The following P2RX1 variants were observed in gnomAD, a reference collection of about 807,000 sequenced individuals.
P2RX1 encodes the protein P2X purinoceptor 1.
P2RX1 carries 42 observed loss-of-function variants against 50.3 expected under a neutral mutation model. The ratio of observed to expected loss-of-function variants is 0.83; its 90% CI spans 0.65 to 1.08. The LOEUF is 1.08. P2RX1 is among the 50% of genes least tolerant of loss of function. The probability of loss-of-function intolerance (pLI) is 0.00; values close to 1 mark genes in which losing one functional copy is unlikely to be tolerated. For missense variants in P2RX1, 449 were observed against 529.0 expected, an observed-to-expected ratio of 0.85 and a Z score of 1.48; for synonymous variants, 199 against 202.6, an observed-to-expected ratio of 0.98 and a Z score of 0.15.
chr17:3,903,594 A>C lies in P2RX1; in HGVS notation c.562T>G (p.Phe188Val), dbSNP rs1597515364. Residue 188 changes from phenylalanine to valine, a missense_variant, in exon 6 of 12, where the codon TTC becomes GTC. Coordinates refer to ENST00000225538, the MANE Select transcript of P2RX1 (RefSeq NM_002558.4). This position sits in a 1 kb window ranked among gnomAD's most constrained non-coding sequence, Gnocchi z 4.6. ...GGAAAGCTGATGCTGTTCTTGATGA[A>C]AAGAGTGAAGTTCTCGGCCTCTCGG... ...LLREAENFTL[F>V]IKNSISFPRF... The C allele has an allele frequency of 6.2e-7, 1 of 1,614,176 alleles. No individual in the cohort carries two copies. The highest frequency in any genetic ancestry group is 2.2e-5 in the East Asian group (1 of 44,866).
Position 3,899,024 on chromosome 17 carries a change from C to G in P2RX1, c.876G>C (p.Arg292Ser). 6.2e-7 allele frequency: 1 copy of G among 1,611,648 alleles called. No individual in the cohort carries two copies. The highest frequency in any genetic ancestry group is 8.5e-7 in the Non-Finnish European group (1 of 1,178,698). Reference protein sequence around the residue: ...EKNLSPGFNFRFARHFVENGT... With the variant: ...EKNLSPGFNFSFARHFVENGT... ...CGTTCTCCACAAAGTGCCTGGCAAA[C>G]CTTGGGGAAGGGATGAGGTGGCAGG... Residue 292 changes from arginine (R) to serine (S), a missense_variant and splice_region_variant, in exon 9 of 12, where the codon AGG becomes AGC. By Grantham distance (110) the Arg-to-Ser change is moderately radical (BLOSUM62 -1). Transcript: ENST00000225538.
intron 1 of P2RX1, among the ~76,000 whole-genome samples, chr17:3,908,644 A>C (rs953514110): frequency 2.0e-5 from 3 of 152,218 alleles, no homozygotes; most frequent in African/African-American, 7.2e-5. Context: ...CCTTATTGTC[A>C]CCACCCTGGG....
rs553670845 is a variant in P2RX1, at chr17:3,903,247, G to A, written c.702C>T (p.Tyr234=). 159 of 1,614,144 alleles carry A rather than the reference G, an allele frequency of 9.9e-5. 2 individuals are homozygous for A. The South Asian group carries it at 1.2e-3, about 12-fold the overall frequency. Residue 234 remains tyrosine, a synonymous_variant, in exon 7 of 12, where the codon TAC becomes TAT. Transcript: ENST00000225538. This position sits in a 1 kb window ranked among gnomAD's most constrained non-coding sequence, Gnocchi z 4.6. ...AGTTCTGGCCTGACTCTTGCACCACGTAGCCAAGCTGGAAGACTGGGCACA... is the reference window on the plus strand; with the variant it reads ...AGTTCTGGCCTGACTCTTGCACCACATAGCCAAGCTGGAAGACTGGGCACA... ...HPLCPVFQLG[Y]VVQESGQNFS...
intron 1 of P2RX1, among the ~76,000 whole-genome samples, chr17:3,911,386 T>C (rs1251537141): frequency 1.3e-5 from 2 of 152,146 alleles, no homozygotes; most frequent in Non-Finnish European, 2.9e-5. Context: ...TTCCCACTTC[T>C]CTTGAGACGT....
In P2RX1 at chr17:3,904,381, A is replaced by G. The variant is rs1203061127; in HGVS notation, c.376T>C (p.Cys126Arg). The G allele has an allele frequency of 1.2e-6, 2 of 1,613,936 alleles. No individual in the cohort carries two copies. The highest frequency in any genetic ancestry group is 4.5e-5 in the East Asian group (2 of 44,860). ...GGGGTACAGCCACTGTCTTCCTTGC[A>G]TATGCCCCCTTCTGGGTGCTGGGGG... ...YCAEHPEGGI[C>R]KEDSGCTPGK... The change falls in exon 4 of 12, where the codon TGC becomes CGC. Residue 126 changes from cysteine to arginine, a missense_variant. Physicochemically the swap from Cys to Arg is radical, Grantham distance 180. Transcript: ENST00000225538.
chr17:3,907,290 C>CTGTGT (rs3222958), intron 1 of P2RX1, among the ~76,000 whole-genome samples: 1 of 134,432 alleles, frequency 7.4e-6, no homozygotes, highest in East Asian at 2.2e-4. Flanking sequence ...TTCAGGGTAA[C>CTGTGT]GTGTGTGTGT....
At chr17:3,911,672 G>C (rs915836505) in intron 1 of P2RX1, among the ~76,000 whole-genome samples, 1 of 152,202 alleles carries the variant, frequency 6.6e-6, no homozygotes, top group Non-Finnish European at 1.5e-5. Flanking sequence ...AGAAATCCGG[G>C]CGCCTCAGCC....
chr17:3,900,999 A>G (rs2143971939), intron 7 of P2RX1, among the ~76,000 whole-genome samples: 1 of 152,314 alleles, frequency 6.6e-6, no homozygotes, highest in South Asian at 2.1e-4. Flanking sequence ...AGAGAAGGGG[A>G]CAGGGAGCTG....
chr17:3,915,524 G>A (rs1037544762), intron 1 of P2RX1: 22 of 456,514 alleles, frequency 4.8e-5, no homozygotes, highest in Non-Finnish European at 8.4e-5. Flanking sequence ...TATCATCCCT[G>A]GGACCAGAAC....
In P2RX1 at chr17:3,903,880, T is replaced by C; in HGVS notation, c.524+48A>G. 1 of 1,480,118 alleles carries C rather than the reference T, an allele frequency of 6.8e-7. No homozygotes were observed. Among genetic ancestry groups the C allele is most frequent in the African/African-American group, 1.4e-5 (1 of 72,412 alleles). 91.7% of individuals were successfully genotyped at this position (1,480,118 alleles called of 1,614,324 possible). A position where few individuals can be genotyped will look rare whatever the true frequency, so the allele number is the denominator to read the frequency against. On this transcript the variant is annotated intron_variant, in intron 5 of 11. Transcript: ENST00000225538. This position sits in a 1 kb window ranked among gnomAD's most constrained non-coding sequence, Gnocchi z 4.6. ...CTTTCTAGACCTAGGCCCCCCTCTG[T>C]CTGGCCTGGGACCCTGTTCTTAGCT...
At chr17:3,911,199 G>C (rs2056356742) in intron 1 of P2RX1, among the ~76,000 whole-genome samples, 1 of 151,614 alleles carries the variant, frequency 6.6e-6, no homozygotes, top group African/African-American at 2.4e-5. Flanking sequence ...TGTTGGCCAG[G>C]CTGGTCTTGG....
chr17:3,898,655 T>C, intron 9 of P2RX1, 106 bp from the exon 10 acceptor site: 1 of 884,318 alleles, frequency 1.1e-6, no homozygotes, highest in Non-Finnish European at 1.9e-6. Flanking sequence ...CTGTGAACTG[T>C]CCCCACCTCG....
intron 8 of P2RX1, 23 bp from the exon 9 acceptor site, chr17:3,899,047 A>G: frequency 6.4e-7 from 1 of 1,568,078 alleles, no homozygotes; most frequent in Non-Finnish European, 8.8e-7. Context: ...ATGAGGTGGC[A>G]GGAGGGTGAT....
rs574136342 is a variant in P2RX1, at chr17:3,916,249, C to G, written c.-24G>C. The G allele has an allele frequency of 6.2e-7, 1 of 1,610,874 alleles. No homozygotes were observed. The highest frequency in any genetic ancestry group is 1.7e-5 in the Admixed American group (1 of 59,892). ...ATGGTGGGCCGGCTGGGGCTCAGAACTGAGCCCCCTGCACGGCCTCTGCTC... is the reference window on the plus strand; with the variant it reads ...ATGGTGGGCCGGCTGGGGCTCAGAAGTGAGCCCCCTGCACGGCCTCTGCTC... On this transcript the variant is annotated 5_prime_UTR_variant, in exon 1 of 12. Transcript: ENST00000225538.
chr17:3,904,649 A>G, intron 3 of P2RX1: 1 of 627,790 alleles, frequency 1.6e-6, no homozygotes, highest in South Asian at 1.9e-5. Flanking sequence ...AAGTCTCGGC[A>G]CCCTGCCTGG....
intron 1 of P2RX1, among the ~76,000 whole-genome samples, chr17:3,911,868 T>C (rs1032208451): frequency 1.3e-5 from 2 of 152,090 alleles, no homozygotes; most frequent in African/African-American, 4.8e-5. Flanking sequence ...ACCAGGCTCC[T>C]CCAATCAGGG....
rs1309177649 is a variant in P2RX1 at position 3,903,571 on chromosome 17, A to T, written c.585T>A (p.Phe195Leu). The change falls in exon 6 of 12, where the codon TTT becomes TTA. Residue 195 changes from phenylalanine to leucine, a missense_variant. Phe to Leu is a conservative substitution (Grantham distance 22). Transcript: ENST00000225538. The surrounding 1 kb of genome is among the most constrained non-coding windows in gnomAD (Gnocchi z 4.6). ...FTLFIKNSIS[F>L]PRFKVNRRNL... ...CGCACCTGTTGACCTTGAAGCGTGG[A>T]AAGCTGATGCTGTTCTTGATGAAAA... The T allele has an allele frequency of 6.2e-7, 1 of 1,614,230 alleles. No individual in the cohort carries two copies. Among genetic ancestry groups the T allele is most frequent in the Non-Finnish European group, 8.5e-7 (1 of 1,180,038 alleles).
At position 3,905,329 on chromosome 17, in the gene P2RX1, C is replaced by T. The variant is rs776265597; in HGVS notation, c.176G>A (p.Ser59Asn). The change falls in exon 2 of 12, where the codon AGC becomes AAC. Residue 59 changes from serine (S) to asparagine (N), a missense_variant. By Grantham distance (46) the Ser-to-Asn change is conservative (BLOSUM62 1). Coordinates refer to ENST00000225538, the MANE Select transcript of P2RX1 (RefSeq NM_002558.4). ...FLYEKGYQTS[S>N]GLISSVSVKL... ...CACAGAGACACTGCTGATGAGGCCGCTCGAGGTCTGGTAGCCCTTCTCATA... is the reference window on the plus strand; with the variant it reads ...CACAGAGACACTGCTGATGAGGCCGTTCGAGGTCTGGTAGCCCTTCTCATA... 1 of 1,613,916 alleles carries T rather than the reference C, an allele frequency of 6.2e-7. No individual in the cohort carries two copies. Among genetic ancestry groups the T allele is most frequent in the Admixed American group, 1.7e-5 (1 of 60,036 alleles).
chr17:3,904,628 G>C, intron 3 of P2RX1: 1 of 628,166 alleles, frequency 1.6e-6, no homozygotes, highest in South Asian at 1.9e-5. Flanking sequence ...TGGGCGGTGG[G>C]GGTGGGCACG....
Sources: allele counts gnomAD v4.1 joint callset (sites outside exome capture counted in the v4.1 genomes callset), GRCh38; gene constraint gnomAD v4.1.1; non-coding constraint Gnocchi (gnomAD v3.1); transcripts MANE v1.5; gene names NCBI Gene and HGNC (gene_info 2026-07-23, HGNC 2026-07-21).